The following UGT3A1 variants were observed in gnomAD, a reference collection of about 807,000 sequenced individuals.
The protein encoded by UGT3A1 is UDP-glycosyltransferase 3A1.
In UGT3A1, 40 loss-of-function variants were observed where a neutral mutation model predicts 37.6. That is an observed-to-expected ratio of 1.06 (90% confidence interval 0.83 to 1.38). UGT3A1 has a LOEUF of 1.38. Among genes scored for constraint, UGT3A1 ranks in the 40% most tolerant of loss-of-function variants. The pLI is 0.00. For synonymous variants in UGT3A1, 256 were observed against 232.3 expected, an observed-to-expected ratio of 1.10 and a Z score of -0.93; for missense variants, 642 against 634.2, an observed-to-expected ratio of 1.01 and a Z score of -0.13.
At chr5:35,956,621 C>T (rs1212532737) in intron 5 of UGT3A1, among the ~76,000 whole-genome samples, 3 of 152,162 alleles carry the variant, frequency 2.0e-5, no homozygotes, top group Non-Finnish European at 4.4e-5. Context: ...CCAAATGACT[C>T]AATACCTGGC....
rs541069692 is a variant in UGT3A1, at chr5:35,968,101, T to C, written c.229A>G (p.Ile77Val). 6.2e-7 allele frequency: 1 copy of C among 1,612,778 alleles called. No individual in the cohort carries two copies. The highest frequency in any genetic ancestry group is 8.5e-7 in the Non-Finnish European group (1 of 1,179,458). Reference protein sequence around the residue: ...IKEEEKSYQVIRWFSPEDHQK... With the variant: ...IKEEEKSYQVVRWFSPEDHQK... ...TGATCTTCAGGTGAAAACCACCTGA[T>C]AACTTGGTATGATTTTTCCTCCTCT... Residue 77 changes from isoleucine (I) to valine (V), a missense_variant, in exon 3 of 7, where the codon ATC (isoleucine) becomes GTC (valine). Ile to Val is a conservative substitution (Grantham distance 29). Coordinates refer to ENST00000274278, the MANE Select transcript of UGT3A1 (RefSeq NM_152404.4).
At position 35,965,611 on chromosome 5, in the gene UGT3A1, C is replaced by T; in HGVS notation, c.618G>A (p.Met206Ile). 6.2e-7 allele frequency: 1 copy of T among 1,613,924 alleles called. No homozygotes were observed. The highest frequency in any genetic ancestry group is 8.5e-7 in the Non-Finnish European group (1 of 1,179,816). ...ATTGGCTCCTGGAGAAACTAAAGAA[C>T]ATCAGAAAATTCTTCACTCGGCCCC... ...DFWGRVKNFLMFFSFSRSQWD... is the reference protein window; with the variant it reads ...DFWGRVKNFLIFFSFSRSQWD... Residue 206 changes from methionine (M) to isoleucine (I), a missense_variant, in exon 4 of 7, where the codon ATG (methionine) becomes ATA (isoleucine). Met to Ile is a conservative substitution (Grantham distance 10, BLOSUM62 1). Coordinates refer to ENST00000274278, the MANE Select transcript of UGT3A1 (RefSeq NM_152404.4).
At chr5:35,977,063 G>GAGAAAGAAAGAAA (rs1461629081) in intron 2 of UGT3A1, among the ~76,000 whole-genome samples, 2 of 137,196 alleles carry the variant, frequency 1.5e-5, no homozygotes, top group African/African-American at 5.5e-5. Flanking sequence ...AGAAGAGAAA[G>GAGAAAGAAAGAAA]AGAAAGAAAG....
Position 35,957,256 on chromosome 5 carries a change from C to G in UGT3A1, c.1007G>C (p.Trp336Ser), listed in dbSNP as rs566118559. ...GVIWTCQSSH[W>S]PRDVHLATNV... Reference sequence around the variant, plus strand: ...TGTGGCCAAATGAACATCTCTGGGCCAATGAGAACTCTGACATGTCCATAT... The same window carrying G: ...TGTGGCCAAATGAACATCTCTGGGCGAATGAGAACTCTGACATGTCCATAT... The change falls in exon 5 of 7, where the codon TGG becomes TCG. Residue 336 changes from tryptophan (W) to serine (S), a missense_variant. Coordinates refer to ENST00000274278, the MANE Select transcript of UGT3A1 (RefSeq NM_152404.4). 6.2e-7 allele frequency: 1 copy of G among 1,614,136 alleles called. No homozygotes were observed. Among genetic ancestry groups the G allele is most frequent in the East Asian group, 2.2e-5 (1 of 44,872 alleles).
intron 1 of UGT3A1, 84 bp downstream of exon 1, chr5:35,991,063 C>G: frequency 6.2e-7 from 1 of 1,613,626 alleles, no homozygotes; most frequent in Non-Finnish European, 8.5e-7. Flanking sequence ...CTGGATAACT[C>G]TGATCAATCG....
intron 2 of UGT3A1, among the ~76,000 whole-genome samples, chr5:35,996,438 C>G (rs539064108): frequency 1.3e-4 from 20 of 152,254 alleles, no homozygotes; most frequent in African/African-American, 3.4e-4. Context: ...AAATAATTAA[C>G]ATGTTGGGTG....
intron 5 of UGT3A1, 119 bp from the exon 6 acceptor site, chr5:35,955,983 C>A: frequency 1.9e-6 from 2 of 1,047,576 alleles, no homozygotes; most frequent in South Asian, 3.1e-5. Context: ...AAAATGAATT[C>A]ACTGATTTTG....
chr5:35,979,762 C>T (rs1239649690), intron 2 of UGT3A1, among the ~76,000 whole-genome samples: 1 of 152,162 alleles, frequency 6.6e-6, no homozygotes, highest in African/African-American at 2.4e-5. Flanking sequence ...TTTCATGCTG[C>T]TGATAAAGAC....
At chr5:35,962,586 A>T in intron 4 of UGT3A1, 1 of 276,550 alleles carries the variant, frequency 3.6e-6, no homozygotes, top group Non-Finnish European at 6.8e-6. Context: ...GGAGGGCTGG[A>T]TCAATCCTAC....
At chr5:35,956,661 T>C (rs994903347) in intron 5 of UGT3A1, among the ~76,000 whole-genome samples, 1 of 152,198 alleles carries the variant, frequency 6.6e-6, no homozygotes, top group African/African-American at 2.4e-5. Context: ...GCACTAATAT[T>C]GTGGCACATC....
Position 35,988,514 on chromosome 5 carries a change from C to A in UGT3A1, c.132G>T (p.Gln44His). 11 of 1,613,414 alleles carry A rather than the reference C, an allele frequency of 6.8e-6. No individual in the cohort carries two copies. Among genetic ancestry groups the A allele is most frequent in the Non-Finnish European group, 8.5e-6 (10 of 1,179,706 alleles). Residue 44 changes from glutamine to histidine, a missense_variant, in exon 2 of 7, where the codon CAG becomes CAT. Coordinates refer to ENST00000274278, the MANE Select transcript of UGT3A1 (RefSeq NM_152404.4). ...CATTATGACCATGCTCTTGAAGAATCTGAGACACCCGGTCCAACAGTAGGT... is the reference window on the plus strand; with the variant it reads ...CATTATGACCATGCTCTTGAAGAATATGAGACACCCGGTCCAACAGTAGGT... ...SHYLLLDRVSQILQEHGHNVT... is the reference protein window; with the variant it reads ...SHYLLLDRVSHILQEHGHNVT...
chr5:35,996,541 C>T (rs900321556), intron 2 of UGT3A1, among the ~76,000 whole-genome samples: 1 of 152,152 alleles, frequency 6.6e-6, no homozygotes, highest in African/African-American at 2.4e-5. Flanking sequence ...AAGTGTGACA[C>T]GTTAAGTAGG....
intron 2 of UGT3A1, among the ~76,000 whole-genome samples, chr5:35,973,881 T>A (rs1740151224): frequency 6.6e-6 from 1 of 152,206 alleles, no homozygotes; most frequent in African/African-American, 2.4e-5. Flanking sequence ...ATAATTAGAA[T>A]AATCTGATTC....
At chr5:35,990,123 A>G (rs985258315) in intron 1 of UGT3A1, among the ~76,000 whole-genome samples, 3 of 151,874 alleles carry the variant, frequency 2.0e-5, no homozygotes, top group African/African-American at 7.3e-5. Flanking sequence ...GAAAATCCTT[A>G]GTGAAAACGG....
At chr5:35,962,666 C>T (rs1739634894) in intron 4 of UGT3A1, 3 of 546,096 alleles carry the variant, frequency 5.5e-6, no homozygotes, top group Non-Finnish European at 9.8e-6. Context: ...TCAGGCCATT[C>T]GTCCTCACGC....
At chr5:35,971,376 C>T (rs1262069580) in intron 2 of UGT3A1, among the ~76,000 whole-genome samples, 1 of 152,076 alleles carries the variant, frequency 6.6e-6, no homozygotes, top group African/African-American at 2.4e-5. Flanking sequence ...AATGCTCCAT[C>T]ATTACCAACA....
rs116134122 is a variant in UGT3A1, at chr5:35,971,987, C to T, written c.197-3854G>A. Among the ~76,000 whole-genome samples, 497 of 152,222 alleles carry T rather than the reference C, an allele frequency of 3.3e-3. 2 individuals are homozygous for T. Among genetic ancestry groups the T allele is most frequent in the African/African-American group, 0.011 (460 of 41,534 alleles). On this transcript the variant is annotated intron_variant, in intron 2 of 6. Coordinates refer to ENST00000274278, the MANE Select transcript of UGT3A1 (RefSeq NM_152404.4). ...CGGGAGGAAAGCAAGGAGACCTATG[C>T]CTACTGCCCACCCCTCCACATAGCA...
At chr5:35,989,026 AG>A (rs1167588949) in intron 1 of UGT3A1, among the ~76,000 whole-genome samples, 19 of 152,228 alleles carry the variant, frequency 1.2e-4, no homozygotes, top group Non-Finnish European at 5.9e-5. Context: ...ATTTTGGAAA[AG>A]TATGCTACTG....
chr5:35,971,518 G>C (rs931822160), intron 2 of UGT3A1, among the ~76,000 whole-genome samples: 3 of 151,504 alleles, frequency 2.0e-5, no homozygotes, highest in African/African-American at 7.3e-5. Flanking sequence ...AATGGTTCTA[G>C]GGCATACAGA....
Sources: gnomAD v4.1 joint callset for allele counts (sites outside exome capture counted in the v4.1 genomes callset) on GRCh38, gnomAD v4.1.1 for gene constraint, MANE v1.5 for transcripts, NCBI Gene and HGNC (gene_info 2026-07-23, HGNC 2026-07-21) for gene names.